EYA2: variants seen among roughly 807,000 people sequenced by gnomAD.
EYA2 encodes EYA transcriptional coactivator and phosphatase 2.
In EYA2, 31 loss-of-function variants were observed where a neutral mutation model predicts 69.2. That is an observed-to-expected ratio of 0.45 (90% CI 0.34 to 0.60). The LOEUF is 0.60. Among genes scored for constraint, EYA2 ranks in the 20% least tolerant of loss-of-function variants. The pLI is 0.02. For synonymous variants in EYA2, 257 were observed against 279.4 expected (o/e 0.92, Z 0.80); for missense variants, 622 against 701.2 (o/e 0.89, Z 1.28).
At chr20:46,900,840 C>T (rs1984065174) in intron 1 of EYA2, among the ~76,000 whole-genome samples, 1 of 152,048 alleles carries the variant, frequency 6.6e-6, no homozygotes. Context: ...ATTTTCTTGA[C>T]CCAAAATGAG....
intron 10 of EYA2, among the ~76,000 whole-genome samples, chr20:47,166,694 T>C (rs34935499): frequency 0.018 from 2,806 of 151,742 alleles, 97 homozygotes; most frequent in African/African-American, 0.064. Flanking sequence ...ATGTATGCAG[T>C]AGCCACTGTG....
intron 1 of EYA2, among the ~76,000 whole-genome samples, chr20:46,941,354 C>T (rs995420190): frequency 3.3e-5 from 5 of 152,224 alleles, no homozygotes; most frequent in African/African-American, 7.2e-5. Context: ...GGAAGTAGAA[C>T]GAAACTCCTA....
chr20:46,974,647 G>A (rs953887700), intron 1 of EYA2, among the ~76,000 whole-genome samples: 6 of 152,076 alleles, frequency 3.9e-5, no homozygotes, highest in Admixed American at 1.3e-4. Context: ...AGCCATCCTT[G>A]GCAGGAAGGA....
intron 1 of EYA2, among the ~76,000 whole-genome samples, chr20:46,957,529 T>TCACACACACACACACA (rs74176892): frequency 5.0e-5 from 1 of 20,000 alleles, no homozygotes; most frequent in East Asian, 3.4e-4. Flanking sequence ...GAAGGAGATT[T>TCACACACACACACACA]CACACACACA....
At chr20:47,165,499 C>A (rs529867896) in intron 10 of EYA2, among the ~76,000 whole-genome samples, 1 of 152,116 alleles carries the variant, frequency 6.6e-6, no homozygotes. Flanking sequence ...CCAGAGCTGA[C>A]CCCTAGGAAG....
Position 46,920,475 on chromosome 20 carries a change from C to G in EYA2, c.-11+25488C>G, listed in dbSNP as rs1985131913. Among the ~76,000 whole-genome samples the G allele has an allele frequency of 2.0e-5, 3 of 152,170 alleles. No individual in the cohort carries two copies. The South Asian group carries it at 6.2e-4, about 32-fold the overall frequency. ...TTTTGTTTTTAAATGTTTCACTGGA[C>G]AAATCAAAATGGCAGCCTCCTTTTG... is the stretch of plus-strand genomic sequence containing the variant. On this transcript the variant is annotated intron_variant, in intron 1 of 15. Transcript: ENST00000327619.
intron 9 of EYA2, among the ~76,000 whole-genome samples, chr20:47,107,735 AAAAG>A (rs958654699): frequency 4.7e-5 from 7 of 149,672 alleles, no homozygotes; most frequent in South Asian, 2.1e-4. Context: ...GAAGAAAAGA[AAAAG>A]AAGAAGAGAG....
chr20:46,941,379 T>G (rs1249768767), intron 1 of EYA2, among the ~76,000 whole-genome samples: 1 of 152,232 alleles, frequency 6.6e-6, no homozygotes, highest in Non-Finnish European at 1.5e-5. Context: ...GATTCCCGGC[T>G]CTTCTGCTCC....
At chr20:47,155,028 G>C (rs1255191772) in intron 10 of EYA2, among the ~76,000 whole-genome samples, 2 of 151,710 alleles carry the variant, frequency 1.3e-5, no homozygotes, top group African/African-American at 4.8e-5. Flanking sequence ...GCTAATTCTT[G>C]TATTTTTAGT....
At chr20:47,134,995 C>T (rs922328112) in intron 9 of EYA2, among the ~76,000 whole-genome samples, 6 of 151,872 alleles carry the variant, frequency 4.0e-5, no homozygotes, top group African/African-American at 4.8e-5. Flanking sequence ...GGCGTGGTGG[C>T]GGGCACCTGT....
chr20:47,087,077 T>C (rs1352024787), intron 7 of EYA2, among the ~76,000 whole-genome samples: 3 of 152,202 alleles, frequency 2.0e-5, no homozygotes, highest in Non-Finnish European at 4.4e-5. Context: ...GAATCTCTCA[T>C]GCTGCATCCT....
intron 5 of EYA2, among the ~76,000 whole-genome samples, chr20:47,051,771 A>C (rs1261483643): frequency 6.6e-6 from 1 of 152,242 alleles, no homozygotes; most frequent in Non-Finnish European, 1.5e-5. Context: ...TATCCTGCTT[A>C]GGACAGACTG....
intron 9 of EYA2, 90 bp from the exon 10 acceptor site, chr20:47,142,969 C>G (rs1600739905): frequency 8.3e-7 from 1 of 1,208,964 alleles, no homozygotes; most frequent in East Asian, 2.5e-5. Context: ...AAAACCAAAA[C>G]TGCTTTTCGG....
intron 1 of EYA2, among the ~76,000 whole-genome samples, chr20:46,931,835 C>T (rs963027665): frequency 3.9e-5 from 6 of 151,996 alleles, no homozygotes; most frequent in African/African-American, 1.5e-4. Context: ...GAGGAGAAGC[C>T]GTCCAAGCTG....
chr20:46,916,921 A>G (rs1984933232), intron 1 of EYA2, among the ~76,000 whole-genome samples: 1 of 152,174 alleles, frequency 6.6e-6, no homozygotes, highest in Non-Finnish European at 1.5e-5. Context: ...GTTAGGAAAA[A>G]TATATAGAGA....
chr20:47,122,289 G>GTTTTTTTTTTTT (rs1180670988), intron 9 of EYA2, among the ~76,000 whole-genome samples: 4 of 110,868 alleles, frequency 3.6e-5, no homozygotes, highest in Non-Finnish European at 7.2e-5. Flanking sequence ...TATTTTCTTG[G>GTTTTTTTTTTTT]TTTTTTTTTT....
At chr20:47,047,345 G>A (rs2030093545) in intron 5 of EYA2, among the ~76,000 whole-genome samples, 1 of 151,908 alleles carries the variant, frequency 6.6e-6, no homozygotes, top group African/African-American at 2.4e-5. Context: ...AGTGGGCTAA[G>A]CCTAAGAAAA....
At chr20:46,974,862 A>G (rs1980362767) in intron 1 of EYA2, among the ~76,000 whole-genome samples, 1 of 152,052 alleles carries the variant, frequency 6.6e-6, no homozygotes, top group Non-Finnish European at 1.5e-5. Context: ...GTCCTGTCCG[A>G]GTCTGTCACT....
chr20:46,966,846 T>G (rs780400696), intron 1 of EYA2, among the ~76,000 whole-genome samples: 9 of 152,088 alleles, frequency 5.9e-5, no homozygotes, highest in Non-Finnish European at 1.2e-4. Context: ...GTACATTTTA[T>G]TTAACTCAAG....
Sources: allele counts gnomAD v4.1 joint callset (sites outside exome capture counted in the v4.1 genomes callset), GRCh38; gene constraint gnomAD v4.1.1; transcripts MANE v1.5; gene names NCBI Gene and HGNC (gene_info 2026-07-23, HGNC 2026-07-21).